Variants in TAS1R3 observed in about 807,000 individuals in gnomAD.
The protein encoded by TAS1R3 is taste receptor type 1 member 3.
TAS1R3 carries 58 observed loss-of-function variants against 46.1 expected under a neutral mutation model. That is an observed-to-expected ratio of 1.26 (90% CI 1.02 to 1.57). The LOEUF (loss-of-function observed/expected upper bound fraction) is 1.57. Ranked by LOEUF, TAS1R3 falls within the 40% of genes most tolerant of loss-of-function variation. TAS1R3 has a pLI of 0.00. For missense variants in TAS1R3, 1,422 were observed against 1,185.8 expected, an observed-to-expected ratio of 1.20 and a Z score of -2.93; for synonymous variants, 724 against 544.7, an observed-to-expected ratio of 1.33 and a Z score of -4.58.
In TAS1R3 at chr1:1,333,248, C is replaced by A; in HGVS notation, c.1480-11C>A. On this transcript the variant is annotated splice_polypyrimidine_tract_variant and intron_variant, in intron 4 of 5. Transcript: ENST00000339381. ...CAGCCGAGCAGAGCCAGACCCCAGG[C>A]CTGTGCGCAGAAGCCCGTGTCCCGG... 1 of 1,598,568 alleles carries A rather than the reference C, an allele frequency of 6.3e-7. No homozygotes were observed. The highest frequency in any genetic ancestry group is 1.7e-4 in the Middle Eastern group (1 of 6,040).
rs369216792 is a variant in TAS1R3, at chr1:1,331,944, C to A, written c.492+6C>A. On this transcript the variant is annotated splice_donor_region_variant and intron_variant, in intron 2 of 5. Coordinates refer to ENST00000339381, the MANE Select transcript of TAS1R3 (RefSeq NM_152228.3). Reference sequence around the variant, plus strand: ...GCTTCTTCCTCATGCCCCAGGTGGGCGCCCCCCACCATCACCCACCCCCAC... The same window carrying A: ...GCTTCTTCCTCATGCCCCAGGTGGGAGCCCCCCACCATCACCCACCCCCAC... 1.0e-5 allele frequency: 16 copies of A among 1,599,912 alleles called. No homozygotes were observed. The East Asian group carries it at 3.1e-4, about 31-fold the overall frequency.
rs745427512 is a variant in TAS1R3, at chr1:1,332,636, C to T, written c.1105C>T (p.Arg369Cys). ...QGLEEDVVGQ[R>C]CPQCDCITLQ... Reference sequence around the variant, plus strand: ...TCTGGAGGAGGACGTGGTGGGCCAGCGCTGCCCGCAGTGTGACTGCATCAC... The same window carrying T: ...TCTGGAGGAGGACGTGGTGGGCCAGTGCTGCCCGCAGTGTGACTGCATCAC... Residue 369 changes from arginine to cysteine, a missense_variant, in exon 3 of 6, where the codon CGC (arginine) becomes TGC (cysteine). By Grantham distance (180) the Arg-to-Cys change is radical (BLOSUM62 -3). Coordinates refer to ENST00000339381, the MANE Select transcript of TAS1R3 (RefSeq NM_152228.3). 6.8e-6 allele frequency: 11 copies of T among 1,608,586 alleles called. No homozygotes were observed. The highest frequency in any genetic ancestry group is 3.3e-5 in the South Asian group (3 of 90,996).
chr1:1,331,957 C>CAG lies in TAS1R3; in HGVS notation c.492+20_492+21insGA. ...GCCCCAGGTGGGCGCCCCCCACCAT[C>CAG]ACCCACCCCCACCCAGCCCTGCCCG... is the stretch of plus-strand genomic sequence containing the variant. On this transcript the variant is annotated intron_variant, in intron 2 of 5. Coordinates refer to ENST00000339381, the MANE Select transcript of TAS1R3 (RefSeq NM_152228.3). 1 of 1,106,992 alleles carries CAG rather than the reference C, an allele frequency of 9.0e-7. No homozygotes were observed. The highest frequency in any genetic ancestry group is 1.3e-6 in the Non-Finnish European group (1 of 786,068). The allele number at this position is 1,106,992 out of a possible 1,614,324, so 68.6% of individuals were successfully genotyped here.
chr1:1,334,554 C>T lies in TAS1R3; in HGVS notation c.*90C>T. The T allele has an allele frequency of 7.3e-7, 1 of 1,375,194 alleles. No individual in the cohort carries two copies. The highest frequency in any genetic ancestry group is 9.6e-7 in the Non-Finnish European group (1 of 1,041,756). 85.2% of individuals were successfully genotyped at this position (1,375,194 alleles called of 1,614,324 possible). A position where few individuals can be genotyped will look rare whatever the true frequency, so the allele number is the denominator to read the frequency against. ...TGACCCGTGTCTCGCTACAGAGACC[C>T]TCCCGCTCTAGGTTCTGACCCCAGG... On this transcript the variant is annotated 3_prime_UTR_variant, in exon 6 of 6. Coordinates refer to ENST00000339381, the MANE Select transcript of TAS1R3 (RefSeq NM_152228.3).
rs963261103 is a variant in TAS1R3 at position 1,333,595 on chromosome 1, T to C, written c.1690T>C (p.Trp564Arg). ...CFRRRSRFLA[W>R]GEPAVLLLLL... ...CCGCCGCAGGTCTCGGTTCCTGGCATGGGGCGAGCCGGCTGTGCTGCTGCT... is the reference window on the plus strand; with the variant it reads ...CCGCCGCAGGTCTCGGTTCCTGGCACGGGGCGAGCCGGCTGTGCTGCTGCT... Residue 564 changes from tryptophan to arginine, a missense_variant, in exon 6 of 6, where the codon TGG becomes CGG. By Grantham distance (101) the Trp-to-Arg change is moderately radical. Transcript: ENST00000339381. 1.2e-6 allele frequency: 2 copies of C among 1,609,062 alleles called. No homozygotes were observed. Among genetic ancestry groups the C allele is most frequent in the South Asian group, 1.1e-5 (1 of 91,076 alleles).
Position 1,334,038 on chromosome 1 carries a change from G to A in TAS1R3, c.2133G>A (p.Trp711Ter), listed in dbSNP as rs1349977268. The A allele has an allele frequency of 4.4e-6, 7 of 1,601,576 alleles. No homozygotes were observed. Among genetic ancestry groups the A allele is most frequent in the South Asian group, 1.1e-5 (1 of 90,834 alleles). ...TCCCGCCGGAGGTGGTGACGGACTG[G>A]CACATGCTGCCCACGGAGGCGCTGG... ...VAFPPEVVTD[W>*]HMLPTEALVH... is the part of the protein sequence containing the mutation. The change falls in exon 6 of 6, where the codon TGG becomes TGA. Residue 711 changes from tryptophan to a stop codon, truncating the protein, a stop_gained. Transcript: ENST00000339381. LOFTEE classifies it low-confidence loss of function (END_TRUNC).
chr1:1,331,472 C>T lies in TAS1R3; in HGVS notation c.127C>T (p.Leu43=), dbSNP rs775745278. Residue 43 remains leucine (L), a synonymous_variant, in exon 1 of 6, where the codon CTG becomes TTG. Coordinates refer to ENST00000339381, the MANE Select transcript of TAS1R3 (RefSeq NM_152228.3). Reference sequence around the variant, plus strand: ...CTACGTGCTGGGGGGGCTGTTCCCCCTGGGCGAGGCCGAGGAGGCTGGCCT... The same window carrying T: ...CTACGTGCTGGGGGGGCTGTTCCCCTTGGGCGAGGCCGAGGAGGCTGGCCT... ...GDYVLGGLFP[L]GEAEEAGLRS... is the part of the protein sequence containing the mutation. 1.9e-6 allele frequency: 3 copies of T among 1,606,960 alleles called. No homozygotes were observed. Among genetic ancestry groups the T allele is most frequent in the Admixed American group, 3.4e-5 (2 of 58,424 alleles).
In TAS1R3 at chr1:1,332,548, G is replaced by A. The variant is rs760096202; in HGVS notation, c.1017G>A (p.Lys339=). The A allele has an allele frequency of 4.3e-6, 7 of 1,611,770 alleles. No homozygotes were observed. The Admixed American group carries it at 6.7e-5, about 15-fold the overall frequency. ...TGCACGAGTTCCCCCAGTACGTGAA[G>A]ACGCACCTGGCCCTGGCCACCGACC... The part of the protein sequence containing the change: ...AQLHEFPQYV[K]THLALATDPA... The change falls in exon 3 of 6, where the codon AAG becomes AAA. Residue 339 remains lysine, a synonymous_variant. Coordinates refer to ENST00000339381, the MANE Select transcript of TAS1R3 (RefSeq NM_152228.3).
chr1:1,331,596 G>T (rs779074893), intron 1 of TAS1R3, 42 bp from the exon 2 acceptor site: 1 of 1,604,892 alleles, frequency 6.2e-7, no homozygotes, highest in Non-Finnish European at 8.5e-7. Context: ...GTGCTCCTGA[G>T]CTGGGGCCGA....
In TAS1R3 at chr1:1,334,471, C is replaced by A. The variant is rs1343729322; in HGVS notation, c.*7C>A. 14 of 1,529,060 alleles carry A rather than the reference C, an allele frequency of 9.2e-6. No individual in the cohort carries two copies. The highest frequency in any genetic ancestry group is 1.9e-5 in the Admixed American group (1 of 52,352). The allele number at this position is 1,529,060 out of a possible 1,614,324, so 94.7% of individuals were successfully genotyped here. The stretch of plus-strand genomic sequence containing the variant: ...TCAGGGGAAACATGAGTGACCCAAC[C>A]CTGTGATCTCAGCCCCGGTGAACCC... On this transcript the variant is annotated 3_prime_UTR_variant, in exon 6 of 6. Coordinates refer to ENST00000339381, the MANE Select transcript of TAS1R3 (RefSeq NM_152228.3).
In TAS1R3 at chr1:1,334,358, T is replaced by C. The variant is rs936431435; in HGVS notation, c.2453T>C (p.Met818Thr). The change falls in exon 6 of 6, where the codon ATG (methionine) becomes ACG (threonine). Residue 818 changes from methionine to threonine, a missense_variant. Met to Thr is a moderately conservative substitution (Grantham distance 81, BLOSUM62 -1). Transcript: ENST00000339381. Reference sequence around the variant, plus strand: ...CACCTGCCCAGGTGTTACCTGCTCATGCGGCAGCCAGGGCTCAACACCCCC... The same window carrying C: ...CACCTGCCCAGGTGTTACCTGCTCACGCGGCAGCCAGGGCTCAACACCCCC... ...AFHLPRCYLL[M>T]RQPGLNTPEF... The C allele has an allele frequency of 6.8e-6, 11 of 1,611,050 alleles. No homozygotes were observed. The highest frequency in any genetic ancestry group is 1.7e-5 in the Admixed American group (1 of 59,890).
In TAS1R3 at chr1:1,331,495, C is replaced by T. The variant is rs1274886814; in HGVS notation, c.150C>T (p.Gly50=). The T allele has an allele frequency of 3.7e-6, 6 of 1,604,876 alleles. No homozygotes were observed. The African/African-American group carries it at 8.0e-5, about 21-fold the overall frequency. ...CCCTGGGCGAGGCCGAGGAGGCTGG[C>T]CTCCGCAGCCGGACACGGCCCAGCA... ...LFPLGEAEEA[G]LRSRTRPSSP... is the part of the protein sequence containing the mutation. Residue 50 remains glycine (G), a synonymous_variant, in exon 1 of 6, where the codon GGC becomes GGT. Transcript: ENST00000339381.
chr1:1,332,456 G>C lies in TAS1R3; in HGVS notation c.925G>C (p.Val309Leu). The C allele has an allele frequency of 1.2e-6, 2 of 1,609,440 alleles. No homozygotes were observed. Among genetic ancestry groups the C allele is most frequent in the South Asian group, 1.1e-5 (1 of 90,898 alleles). ...CGAGGCCTGGCTGACCTCTGACCTG[G>C]TCATGGGGCTGCCCGGCATGGCCCA... ...ASEAWLTSDL[V>L]MGLPGMAQMG... The change falls in exon 3 of 6, where the codon GTC becomes CTC. Residue 309 changes from valine (V) to leucine (L), a missense_variant. Coordinates refer to ENST00000339381, the MANE Select transcript of TAS1R3 (RefSeq NM_152228.3).
At position 1,334,777 on chromosome 1, in the gene TAS1R3, C is replaced by G. The variant is rs1341361732; in HGVS notation, c.*313C>G. 1 of 298,214 alleles carries G rather than the reference C, an allele frequency of 3.4e-6. No individual in the cohort carries two copies. Among genetic ancestry groups the G allele is most frequent in the African/African-American group, 2.2e-5 (1 of 46,176 alleles). 18.5% of individuals were successfully genotyped at this position (298,214 alleles called of 1,614,324 possible). A position where few individuals can be genotyped will look rare whatever the true frequency, so the allele number is the denominator to read the frequency against. On this transcript the variant is annotated 3_prime_UTR_variant, in exon 6 of 6. Coordinates refer to ENST00000339381, the MANE Select transcript of TAS1R3 (RefSeq NM_152228.3). The stretch of plus-strand genomic sequence containing the variant: ...GTACCCGCAACCCACACCGTGAGCT[C>G]AGGAAAAGGACGCAGGGAGGCCCCG...
rs1557657342 is a variant in TAS1R3, at chr1:1,333,139, G to GGT, written c.1479+19_1479+20dup. 5 of 1,607,484 alleles carry GGT rather than the reference G, an allele frequency of 3.1e-6. No homozygotes were observed. In the Admixed American group the frequency reaches 8.4e-5, roughly 27 times the overall value. ...CTGACAACCAGGTGAGGTGAGGGTG[G>GGT]GTGTGCCAGGCGTGCCCGTGGTAGC... On this transcript the variant is annotated intron_variant, in intron 4 of 5. Coordinates refer to ENST00000339381, the MANE Select transcript of TAS1R3 (RefSeq NM_152228.3).
In TAS1R3 at chr1:1,331,902, C is replaced by T. The variant is rs1197194976; in HGVS notation, c.456C>T (p.Val152=). Residue 152 remains valine, a synonymous_variant, in exon 2 of 6, where the codon GTC becomes GTT. Transcript: ENST00000339381. ...CCCACTCGTCAGAGCTCGCCATGGT[C>T]ACCGGCAAGTTCTTCAGCTTCTTCC... ...IGPHSSELAM[V]TGKFFSFFLM... The T allele has an allele frequency of 1.2e-6, 2 of 1,612,400 alleles. No homozygotes were observed. Among genetic ancestry groups the T allele is most frequent in the East Asian group, 4.5e-5 (2 of 44,884 alleles).
Position 1,334,106 on chromosome 1 carries a change from ACGC to A in TAS1R3, c.2203_2205del (p.Ala735del). Reference sequence around the variant, plus strand: ...TCCTGGGTCAGCTTCGGCCTAGCGCACGCCACCAATGCCACGCTGGCCTTTCTC... The same window carrying A: ...TCCTGGGTCAGCTTCGGCCTAGCGCACACCAATGCCACGCTGGCCTTTCTC... On this transcript the variant is annotated inframe_deletion, in exon 6 of 6. Transcript: ENST00000339381. The A allele has an allele frequency of 6.3e-7, 1 of 1,583,788 alleles. No homozygotes were observed. Among genetic ancestry groups the A allele is most frequent in the African/African-American group, 1.3e-5 (1 of 74,330 alleles).
Position 1,334,633 on chromosome 1 carries a change from CCCCT to C in TAS1R3, c.*170_*173del. ...GCCCTAGGCCTGGAGCACGTGGACA[CCCCT>C]GTGACCATCTGGGCCCCAGAGCCAA... On this transcript the variant is annotated 3_prime_UTR_variant, in exon 6 of 6. Coordinates refer to ENST00000339381, the MANE Select transcript of TAS1R3 (RefSeq NM_152228.3). 1 of 731,168 alleles carries C rather than the reference CCCCT, an allele frequency of 1.4e-6. No individual in the cohort carries two copies. The highest frequency in any genetic ancestry group is 2.2e-6 in the Non-Finnish European group (1 of 461,738). 45.3% of individuals were successfully genotyped at this position (731,168 alleles called of 1,614,324 possible). A position where few individuals can be genotyped will look rare whatever the true frequency, so the allele number is the denominator to read the frequency against.
rs1417192367 is a variant in TAS1R3 at position 1,331,368 on chromosome 1, G to A, written c.23G>A (p.Gly8Asp). The change falls in exon 1 of 6, where the codon GGC (glycine) becomes GAC (aspartate). Residue 8 changes from glycine to aspartate, a missense_variant. Transcript: ENST00000339381. Reference protein sequence around the residue: MLGPAVLGLSLWALLHPG... With the variant: MLGPAVLDLSLWALLHPG... ...GCCATGCTGGGCCCTGCTGTCCTGG[G>A]CCTCAGCCTCTGGGCTCTCCTGCAC... 1 of 1,598,302 alleles carries A rather than the reference G, an allele frequency of 6.3e-7. No individual in the cohort carries two copies. Among genetic ancestry groups the A allele is most frequent in the Non-Finnish European group, 8.5e-7 (1 of 1,173,222 alleles).
Sources: allele counts gnomAD v4.1 joint callset, GRCh38; gene constraint gnomAD v4.1.1; transcripts MANE v1.5; gene names NCBI Gene and HGNC (gene_info 2026-07-23, HGNC 2026-07-21).